Variants in PACSIN1 observed in about 807,000 individuals in gnomAD.
PACSIN1 encodes the protein protein kinase C and casein kinase substrate in neurons protein 1.
PACSIN1 carries 15 observed loss-of-function variants against 59.5 expected under a neutral mutation model. The observed-to-expected ratio is 0.25, with a 90% CI of 0.17 to 0.39. The LOEUF is 0.39. Among genes scored for constraint, PACSIN1 ranks in the 10% least tolerant of loss-of-function variants. The pLI, the probability that PACSIN1 is intolerant of heterozygous loss-of-function variation, is 1.00. For missense variants in PACSIN1, 420 were observed against 580.2 expected (o/e 0.72, Z 2.84); for synonymous variants, 210 against 220.6 (o/e 0.95, Z 0.42).
chr6:34,480,819 T>G (rs1347991974), intron 1 of PACSIN1, among the ~76,000 whole-genome samples: 2 of 152,074 alleles, frequency 1.3e-5, no homozygotes, highest in East Asian at 3.9e-4. Flanking sequence ...TTCTCCAGAG[T>G]GCTTGTACCA....
At position 34,528,192 on chromosome 6, in the gene PACSIN1, CACAA is replaced by C. The variant is rs539421964; in HGVS notation, c.221-445_221-442del. On this transcript the variant is annotated intron_variant, in intron 3 of 9. Coordinates refer to ENST00000244458, the MANE Select transcript of PACSIN1 (RefSeq NM_020804.5). ...GCCCTGCACAGAGCTGGTGCCAGTA[CACAA>C]ACAACAAGTCAGTGTGGAATGACTG... Among the ~76,000 whole-genome samples, 329 of 152,378 alleles carry C rather than the reference CACAA, an allele frequency of 2.2e-3. 2 individuals are homozygous for C. The highest frequency in any genetic ancestry group is 7.6e-3 in the African/African-American group (314 of 41,586).
rs543121497 is a variant in PACSIN1 at position 34,518,570 on chromosome 6, A to C, written c.-63-7673A>C. ...GAAACACTGAGGGTGGGAAAATGAC[A>C]CAGGGAGACAAAAAAGGGTGCTTTA... is the stretch of plus-strand genomic sequence containing the variant. On this transcript the variant is annotated intron_variant, in intron 1 of 9. Transcript: ENST00000244458. The surrounding 1 kb of genome is among the most constrained non-coding windows in gnomAD (Gnocchi z 4.4). Among the ~76,000 whole-genome samples, 71 of 152,288 alleles carry C rather than the reference A, an allele frequency of 4.7e-4. No individual in the cohort carries two copies. The highest frequency in any genetic ancestry group is 1.6e-3 in the African/African-American group (67 of 41,560).
chr6:34,472,271 CAAAAAAA>C (rs61560626), intron 1 of PACSIN1, among the ~76,000 whole-genome samples: 1 of 78,292 alleles, frequency 1.3e-5, no homozygotes, highest in Admixed American at 1.8e-4. Context: ...GACTCTGTCT[CAAAAAAA>C]AAAAAAAAAA....
intron 1 of PACSIN1, among the ~76,000 whole-genome samples, chr6:34,523,613 C>T (rs1767435129): frequency 6.6e-6 from 1 of 152,250 alleles, no homozygotes; most frequent in Non-Finnish European, 1.5e-5. Flanking sequence ...AGGCCAAGAG[C>T]ATGTTGAGTT....
At chr6:34,477,672 C>T (rs1766657665) in intron 1 of PACSIN1, among the ~76,000 whole-genome samples, 1 of 152,188 alleles carries the variant, frequency 6.6e-6, no homozygotes, top group Admixed American at 6.5e-5. Flanking sequence ...AGAACTATTC[C>T]TCTTCACCTA....
At chr6:34,523,117 G>A (rs573374074) in intron 1 of PACSIN1, among the ~76,000 whole-genome samples, 19 of 152,280 alleles carry the variant, frequency 1.2e-4, no homozygotes, top group Non-Finnish European at 2.6e-4. Flanking sequence ...CCTTTGGCAG[G>A]TTACTTCGCT....
chr6:34,477,617 CT>C (rs2127242002), intron 1 of PACSIN1, among the ~76,000 whole-genome samples: 1 of 152,246 alleles, frequency 6.6e-6, no homozygotes, highest in South Asian at 2.1e-4. Context: ...ATTTCTTTTT[CT>C]AATTTGATCA....
chr6:34,488,284 G>T lies in PACSIN1; in HGVS notation c.-64+22014G>T, dbSNP rs1247120163. On this transcript the variant is annotated intron_variant, in intron 1 of 9. Coordinates refer to ENST00000244458, the MANE Select transcript of PACSIN1 (RefSeq NM_020804.5). The surrounding 1 kb of genome is among the most constrained non-coding windows in gnomAD (Gnocchi z 4.7). ...TCCCAGGGAATTACCTGGCTGCCAA[G>T]GCTATTATTCTTCCCTGCCCCTTGC... Among the ~76,000 whole-genome samples the T allele has an allele frequency of 2.6e-5, 4 of 152,190 alleles. No homozygotes were observed. Among genetic ancestry groups the T allele is most frequent in the Admixed American group, 2.6e-4 (4 of 15,280 alleles).
At chr6:34,492,734 G>A (rs1014011228) in intron 1 of PACSIN1, among the ~76,000 whole-genome samples, 10 of 152,306 alleles carry the variant, frequency 6.6e-5, no homozygotes, top group Admixed American at 3.3e-4. Flanking sequence ...CAAATAGTGC[G>A]TGCTCATTTG....
At chr6:34,490,129 G>A (rs1581964206) in intron 1 of PACSIN1, among the ~76,000 whole-genome samples, 1 of 151,858 alleles carries the variant, frequency 6.6e-6, no homozygotes, top group East Asian at 1.9e-4. Flanking sequence ...CTCACTGATG[G>A]CAGCCTCGAC....
rs531190904 is a variant in PACSIN1, at chr6:34,534,912, C to G, written c.*2382C>G. 3 of 152,780 alleles carry G rather than the reference C, an allele frequency of 2.0e-5. No homozygotes were observed. Among genetic ancestry groups the G allele is most frequent in the Non-Finnish European group, 4.4e-5 (3 of 68,136 alleles). The allele number at this position is 152,780 out of a possible 1,614,324, so 9.5% of individuals were successfully genotyped here. ...TGCCCACGGCCTCCTCCTGTAGCTCCTGCCTGCACCCACGATGCTGCACGG... is the reference window on the plus strand; with the variant it reads ...TGCCCACGGCCTCCTCCTGTAGCTCGTGCCTGCACCCACGATGCTGCACGG... On this transcript the variant is annotated 3_prime_UTR_variant, in exon 10 of 10. Transcript: ENST00000244458.
intron 1 of PACSIN1, among the ~76,000 whole-genome samples, chr6:34,523,750 C>G (rs1767437186): frequency 6.6e-6 from 1 of 152,188 alleles, no homozygotes; most frequent in African/African-American, 2.4e-5. Flanking sequence ...GTTGAGCCTC[C>G]TGCCTGCCCC....
chr6:34,530,155 C>T lies in PACSIN1; in HGVS notation c.789-88C>T. On this transcript the variant is annotated intron_variant, in intron 6 of 9. Coordinates refer to ENST00000244458, the MANE Select transcript of PACSIN1 (RefSeq NM_020804.5). The surrounding 1 kb of genome is among the most constrained non-coding windows in gnomAD (Gnocchi z 4.4). Reference sequence around the variant, plus strand: ...GGGCAGCATGCCCAGCACCCTGCTTCCCTGAGTGGACTCTGGCCTCTCACC... The same window carrying T: ...GGGCAGCATGCCCAGCACCCTGCTTTCCTGAGTGGACTCTGGCCTCTCACC... The T allele has an allele frequency of 1.3e-6, 2 of 1,487,622 alleles. No individual in the cohort carries two copies. The highest frequency in any genetic ancestry group is 1.8e-6 in the Non-Finnish European group (2 of 1,109,474). The allele number at this position is 1,487,622 out of a possible 1,614,324, so 92.2% of individuals were successfully genotyped here.
chr6:34,471,784 C>T (rs2113831937), intron 1 of PACSIN1, among the ~76,000 whole-genome samples: 1 of 152,294 alleles, frequency 6.6e-6, no homozygotes, highest in African/African-American at 2.4e-5. Context: ...CAAAGATTAG[C>T]TGGGCAGAGA....
chr6:34,476,885 G>A (rs1766645885), intron 1 of PACSIN1, among the ~76,000 whole-genome samples: 1 of 152,308 alleles, frequency 6.6e-6, no homozygotes, highest in East Asian at 1.9e-4. Context: ...TGCCACCTGA[G>A]GAATGTAAGG....
intron 1 of PACSIN1, among the ~76,000 whole-genome samples, chr6:34,481,703 C>T (rs1766722808): frequency 1.3e-5 from 2 of 152,030 alleles, no homozygotes; most frequent in East Asian, 1.9e-4. Context: ...AATACCCTTG[C>T]TTTCTGGTGT....
At chr6:34,491,004 G>C (rs1053761044) in intron 1 of PACSIN1, among the ~76,000 whole-genome samples, 1 of 152,042 alleles carries the variant, frequency 6.6e-6, no homozygotes, top group Admixed American at 6.5e-5. Context: ...AGCAGGGGGA[G>C]TGCTCGCCGG....
Position 34,471,640 on chromosome 6 carries a change from C to T in PACSIN1, c.-64+5370C>T, listed in dbSNP as rs544841087. ...AAGAAAGCTCTCATTTGGCGGAGGG[C>T]GTGGGAAACTAGAACTCTCACGTCA... On this transcript the variant is annotated intron_variant, in intron 1 of 9. Coordinates refer to ENST00000244458, the MANE Select transcript of PACSIN1 (RefSeq NM_020804.5). Among the ~76,000 whole-genome samples the T allele has an allele frequency of 2.8e-3, 428 of 152,234 alleles. 4 individuals are homozygous for T. The highest frequency in any genetic ancestry group is 9.8e-3 in the African/African-American group (405 of 41,528).
intron 3 of PACSIN1, among the ~76,000 whole-genome samples, chr6:34,528,001 A>T (rs1767520510): frequency 1.3e-5 from 2 of 152,256 alleles, no homozygotes; most frequent in South Asian, 4.1e-4. Context: ...TTGCTAGTCC[A>T]GGATCTAGTG....
Sources: gnomAD v4.1 joint callset for allele counts (sites outside exome capture counted in the v4.1 genomes callset) on GRCh38, gnomAD v4.1.1 for gene constraint, Gnocchi (gnomAD v3.1) non-coding constraint, MANE v1.5 for transcripts, NCBI Gene and HGNC (gene_info 2026-07-23, HGNC 2026-07-21) for gene names.